The following CACNB4 variants were observed in gnomAD, a reference collection of about 807,000 sequenced individuals.
CACNB4 encodes voltage-dependent L-type calcium channel subunit beta-4.
A neutral mutation model predicts 71.2 loss-of-function variants in CACNB4; 32 were observed. The ratio of observed to expected loss-of-function variants is 0.45; its 90% CI spans 0.34 to 0.60. CACNB4 has a LOEUF of 0.60. Ranked by LOEUF, CACNB4 falls within the 20% of genes least tolerant of loss-of-function variation. The pLI is 0.01. For synonymous variants in CACNB4, 231 were observed against 236.9 expected (o/e 0.97, Z 0.23); for missense variants, 464 against 647.9 (o/e 0.72, Z 3.08).
intron 2 of CACNB4, among the ~76,000 whole-genome samples, chr2:151,993,824 A>G (rs1681871464): frequency 1.3e-5 from 2 of 150,900 alleles, no homozygotes; most frequent in African/African-American, 4.9e-5. Flanking sequence ...CGGCCTCCCA[A>G]AGTGCTGGGA....
rs543493236 is a variant in CACNB4, at chr2:151,835,451, A to T, written c.*3668T>A. The T allele has an allele frequency of 6.6e-6, 1 of 151,886 alleles. No homozygotes were observed. The highest frequency in any genetic ancestry group is 2.4e-5 in the African/African-American group (1 of 41,434). The allele number at this position is 151,886 out of a possible 1,614,324, so 9.4% of individuals were successfully genotyped here. A position where few individuals can be genotyped will look rare whatever the true frequency, so the allele number is the denominator to read the frequency against. ...TTGACCAGTGTTTTTCCCTTTAAAGACAGATTGTCTTCTCTAGAGAAGAGG... is the reference window on the plus strand; with the variant it reads ...TTGACCAGTGTTTTTCCCTTTAAAGTCAGATTGTCTTCTCTAGAGAAGAGG... On this transcript the variant is annotated 3_prime_UTR_variant, in exon 14 of 14. Coordinates refer to ENST00000539935, the MANE Select transcript of CACNB4 (RefSeq NM_000726.5).
At chr2:152,050,315 C>T (rs906754021) in intron 2 of CACNB4, among the ~76,000 whole-genome samples, 1 of 152,188 alleles carries the variant, frequency 6.6e-6, no homozygotes, top group Admixed American at 6.5e-5. Flanking sequence ...GACACAACCT[C>T]TAAAAGAGAG....
At chr2:152,066,336 C>T (rs994120256) in intron 2 of CACNB4, among the ~76,000 whole-genome samples, 2 of 152,156 alleles carry the variant, frequency 1.3e-5, no homozygotes, top group Non-Finnish European at 2.9e-5. Context: ...GGGCAAAGGA[C>T]ATGAACAGAC....
At chr2:151,897,674 A>T (rs959096839) in intron 2 of CACNB4, among the ~76,000 whole-genome samples, 2 of 152,218 alleles carry the variant, frequency 1.3e-5, no homozygotes, top group African/African-American at 2.4e-5. Context: ...TACAATAAGC[A>T]GTTTTGAGTG....
At chr2:152,077,881 C>G (rs867322462) in intron 2 of CACNB4, among the ~76,000 whole-genome samples, 1 of 152,180 alleles carries the variant, frequency 6.6e-6, no homozygotes. Flanking sequence ...TTAAACCCAA[C>G]TGAAATCCAT....
rs373427629 is a variant in CACNB4 at position 152,053,424 on chromosome 2, A to G, written c.147+44906T>C. On this transcript the variant is annotated intron_variant, in intron 2 of 13. Coordinates refer to ENST00000539935, the MANE Select transcript of CACNB4 (RefSeq NM_000726.5). ...AGGGCATGGAAGCCCCATGTTCCCC[A>G]CCCATCCAACTAGCTGTTCGATTGT... Among the ~76,000 whole-genome samples, 19 of 152,164 alleles carry G rather than the reference A, an allele frequency of 1.2e-4. No individual in the cohort carries two copies. In the East Asian group the frequency reaches 2.5e-3, roughly 20 times the overall value.
chr2:151,903,982 A>G (rs965556020), intron 2 of CACNB4, among the ~76,000 whole-genome samples: 1 of 152,184 alleles, frequency 6.6e-6, no homozygotes, highest in African/African-American at 2.4e-5. Context: ...TATAGGAAAG[A>G]AGGGAGGGAA....
At position 151,836,071 on chromosome 2, in the gene CACNB4, A is replaced by G. The variant is rs1331191831; in HGVS notation, c.*3048T>C. On this transcript the variant is annotated 3_prime_UTR_variant, in exon 14 of 14. Transcript: ENST00000539935. ...TTCTAAGTGTTGCTTTAAATATTAAACAAGATAATGTTGTTGGTTATAATA... is the reference window on the plus strand; with the variant it reads ...TTCTAAGTGTTGCTTTAAATATTAAGCAAGATAATGTTGTTGGTTATAATA... 6.6e-6 allele frequency: 1 copy of G among 151,918 alleles called. No homozygotes were observed. The highest frequency in any genetic ancestry group is 1.9e-4 in the East Asian group (1 of 5,208). 9.4% of individuals were successfully genotyped at this position (151,918 alleles called of 1,614,324 possible). A position where few individuals can be genotyped will look rare whatever the true frequency, so the allele number is the denominator to read the frequency against.
intron 2 of CACNB4, among the ~76,000 whole-genome samples, chr2:152,066,926 T>G (rs1231781347): frequency 7.0e-6 from 1 of 141,982 alleles, no homozygotes; most frequent in African/African-American, 2.6e-5. Context: ...TTCTCACTCA[T>G]AGGTGGGAAT....
chr2:151,962,349 AT>A (rs1274583153), intron 2 of CACNB4, among the ~76,000 whole-genome samples: 1 of 152,164 alleles, frequency 6.6e-6, no homozygotes, highest in East Asian at 1.9e-4. Context: ...TTTTCATTTT[AT>A]TAAACCCTCT....
chr2:151,969,274 C>A (rs1329936206), intron 2 of CACNB4: 2 of 152,204 alleles, frequency 1.3e-5, no homozygotes, highest in African/African-American at 4.8e-5. Context: ...CTCTGATCCA[C>A]CAAACCATAG....
At chr2:151,965,360 C>G (rs2099870806) in intron 2 of CACNB4, among the ~76,000 whole-genome samples, 1 of 152,140 alleles carries the variant, frequency 6.6e-6, no homozygotes. Context: ...ATAGAGGGAA[C>G]TTAACCAGGT....
intron 2 of CACNB4, among the ~76,000 whole-genome samples, chr2:151,993,410 C>G (rs1459283788): frequency 2.0e-5 from 3 of 152,018 alleles, no homozygotes; most frequent in African/African-American, 7.3e-5. Flanking sequence ...GTACACAGGG[C>G]AAAGTGCCAA....
intron 2 of CACNB4, among the ~76,000 whole-genome samples, chr2:151,933,748 C>T (rs568349715): frequency 4.6e-5 from 7 of 152,198 alleles, no homozygotes; most frequent in Admixed American, 6.5e-5. Context: ...ATATCAAACT[C>T]CATATATTTT....
intron 2 of CACNB4, chr2:151,967,257 T>C (rs1370565386): frequency 6.6e-6 from 1 of 152,414 alleles, no homozygotes; most frequent in African/African-American, 2.4e-5. Context: ...GGTTTTGCCA[T>C]GTTGCCCAGA....
chr2:151,922,135 T>C (rs1468703187), intron 2 of CACNB4, among the ~76,000 whole-genome samples: 1 of 152,188 alleles, frequency 6.6e-6, no homozygotes, highest in Non-Finnish European at 1.5e-5. Context: ...AGTGATTACA[T>C]AAGACTCACT....
chr2:151,920,904 C>T (rs1330391669), intron 2 of CACNB4, among the ~76,000 whole-genome samples: 1 of 151,990 alleles, frequency 6.6e-6, no homozygotes, highest in Non-Finnish European at 1.5e-5. Flanking sequence ...TTTGGGAGGC[C>T]AAGGCGGACG....
rs372814048 is a variant in CACNB4, at chr2:151,918,779, T to C, written c.148-35409A>G. On this transcript the variant is annotated intron_variant, in intron 2 of 13. Transcript: ENST00000539935. ...TGCATTGTGTAGCATTAGCACTGCA[T>C]GCAAGCAACCCCTCGCACATAGGCA... 2.3e-4 allele frequency among the ~76,000 whole-genome samples: 35 copies of C among 152,346 alleles called. No individual in the cohort carries two copies. In the East Asian group the frequency reaches 3.1e-3, roughly 13 times the overall value.
chr2:151,894,911 A>G (rs2099851621), intron 2 of CACNB4, among the ~76,000 whole-genome samples: 1 of 152,108 alleles, frequency 6.6e-6, no homozygotes, highest in Admixed American at 6.6e-5. Flanking sequence ...TGAAAGAAAT[A>G]GAAGAAAACA....
Sources: gnomAD v4.1 joint callset for allele counts (sites outside exome capture counted in the v4.1 genomes callset) on GRCh38, gnomAD v4.1.1 for gene constraint, MANE v1.5 for transcripts, NCBI Gene and HGNC (gene_info 2026-07-23, HGNC 2026-07-21) for gene names.